The following RAI1 variants were observed in gnomAD, a reference collection of about 807,000 sequenced individuals.
RAI1 encodes retinoic acid-induced protein 1.
RAI1 carries 9 observed loss-of-function variants against 123.8 expected under a neutral mutation model. That is an observed-to-expected ratio of 0.07 (90% CI 0.04 to 0.13). The LOEUF is 0.13. Among genes scored for constraint, RAI1 ranks in the 10% least tolerant of loss-of-function variants. The pLI, the probability that RAI1 is intolerant of heterozygous loss-of-function variation, is 1.00. For missense variants in RAI1, 2,256 were observed against 2,545.8 expected, an observed-to-expected ratio of 0.89 and a Z score of 2.45; for synonymous variants, 1,231 against 1,127.3, an observed-to-expected ratio of 1.09 and a Z score of -1.84.
At position 17,809,967 on chromosome 17, in the gene RAI1, C is replaced by A; in HGVS notation, c.5710-3C>A. The A allele has an allele frequency of 6.4e-7, 1 of 1,554,374 alleles. No homozygotes were observed. Among genetic ancestry groups the A allele is most frequent in the Non-Finnish European group, 8.7e-7 (1 of 1,150,824 alleles). On this transcript the variant is annotated splice_polypyrimidine_tract_variant and splice_region_variant and intron_variant, in intron 5 of 5. Coordinates refer to ENST00000353383, the MANE Select transcript of RAI1 (RefSeq NM_030665.4). This position sits in a 1 kb window ranked among gnomAD's most constrained non-coding sequence, Gnocchi z 4.9. Reference sequence around the variant, plus strand: ...GTAACTGGCGGGCGGGCGTCTTTTGCAGAGGCTGCCGTAGTAATCCACCCC... The same window carrying A: ...GTAACTGGCGGGCGGGCGTCTTTTGAAGAGGCTGCCGTAGTAATCCACCCC...
chr17:17,744,398 G>A (rs1201231687), intron 2 of RAI1, among the ~76,000 whole-genome samples: 1 of 152,226 alleles, frequency 6.6e-6, no homozygotes, highest in African/African-American at 2.4e-5. Context: ...CACAGAACTG[G>A]TTCACAGAAA....
intron 1 of RAI1, among the ~76,000 whole-genome samples, chr17:17,711,772 T>A (rs1230716128): frequency 3.3e-5 from 5 of 152,182 alleles, no homozygotes; most frequent in Non-Finnish European, 7.4e-5. Context: ...GGCCCAGATA[T>A]CAGGCAGCAG....
chr17:17,790,392 C>T (rs2031969513), intron 2 of RAI1, among the ~76,000 whole-genome samples: 1 of 152,212 alleles, frequency 6.6e-6, no homozygotes, highest in African/African-American at 2.4e-5. Context: ...ATTGAACTGT[C>T]TTTTCTTAGC....
At chr17:17,764,472 C>CTT (rs60189169) in intron 2 of RAI1, among the ~76,000 whole-genome samples, 2,504 of 134,290 alleles carry the variant, frequency 0.019, 67 homozygotes, top group African/African-American at 0.053. Context: ...TTCTTTTCCT[C>CTT]TTTTTTTTTT....
chr17:17,696,303 G>A (rs528639430), intron 1 of RAI1, among the ~76,000 whole-genome samples: 2 of 151,996 alleles, frequency 1.3e-5, no homozygotes, highest in Admixed American at 6.6e-5. Flanking sequence ...ATAAAAGGAG[G>A]ACAGGCTTAT....
In RAI1 at chr17:17,724,950, C is replaced by T. The variant is rs995973682; in HGVS notation, c.-17+791C>T. Among the ~76,000 whole-genome samples the T allele has an allele frequency of 3.9e-5, 6 of 152,278 alleles. No individual in the cohort carries two copies. The East Asian group carries it at 1.2e-3, about 29-fold the overall frequency. On this transcript the variant is annotated intron_variant, in intron 2 of 5. Transcript: ENST00000353383. The stretch of plus-strand genomic sequence containing the variant: ...CCCCCTGCCCTGCGCCCCAGTCTCA[C>T]GCGCGGTCGAGTGGCCAGGCTGACA...
chr17:17,756,886 T>A (rs898951864), intron 2 of RAI1, among the ~76,000 whole-genome samples: 1 of 152,242 alleles, frequency 6.6e-6, no homozygotes, highest in Non-Finnish European at 1.5e-5. Flanking sequence ...GGTGATGTGC[T>A]TGCCCGGTGG....
intron 1 of RAI1, among the ~76,000 whole-genome samples, chr17:17,703,810 C>G (rs1474203984): frequency 6.6e-6 from 1 of 152,202 alleles, no homozygotes; most frequent in Non-Finnish European, 1.5e-5. Context: ...CTAGCTGGGA[C>G]TGTTTTCAAA....
intron 2 of RAI1, among the ~76,000 whole-genome samples, chr17:17,783,734 C>T (rs1036139529): frequency 1.3e-5 from 2 of 151,822 alleles, no homozygotes; most frequent in Admixed American, 1.3e-4. Flanking sequence ...GGCCGGGGCG[C>T]CCGGTGACCC....
At chr17:17,780,585 CTG>C (rs1207844907) in intron 2 of RAI1, among the ~76,000 whole-genome samples, 1 of 152,208 alleles carries the variant, frequency 6.6e-6, no homozygotes, top group Non-Finnish European at 1.5e-5. Flanking sequence ...CTTCTCTTCT[CTG>C]GAGCTCAGTT....
chr17:17,763,142 C>T (rs1346586517), intron 2 of RAI1, among the ~76,000 whole-genome samples: 1 of 152,162 alleles, frequency 6.6e-6, no homozygotes, highest in Non-Finnish European at 1.5e-5. Flanking sequence ...AGATCCTTCC[C>T]TGCATCCCCC....
At chr17:17,758,758 G>A (rs889495170) in intron 2 of RAI1, among the ~76,000 whole-genome samples, 9 of 152,222 alleles carry the variant, frequency 5.9e-5, no homozygotes, top group African/African-American at 1.9e-4. Context: ...TGAGGATATC[G>A]CAGAGGGCCC....
At chr17:17,732,831 G>A (rs1916312698) in intron 2 of RAI1, among the ~76,000 whole-genome samples, 2 of 152,332 alleles carry the variant, frequency 1.3e-5, no homozygotes, top group South Asian at 4.1e-4. Context: ...CCCATGCCCT[G>A]TGCAGAGCCT....
At position 17,794,021 on chromosome 17, in the gene RAI1, C is replaced by G. The variant is rs1216302202; in HGVS notation, c.1073C>G (p.Ser358Cys). The G allele has an allele frequency of 6.2e-7, 1 of 1,613,892 alleles. No individual in the cohort carries two copies. The highest frequency in any genetic ancestry group is 2.2e-5 in the East Asian group (1 of 44,884). Residue 358 changes from serine to cysteine, a missense_variant, in exon 3 of 6, where the codon TCC (serine) becomes TGC (cysteine). Around this residue, in one of 7 missense-constraint regions of RAI1, gnomAD observed 357 missense variants for 480.2 expected, o/e 0.74. Coordinates refer to ENST00000353383, the MANE Select transcript of RAI1 (RefSeq NM_030665.4). The part of the protein sequence containing the change: ...RSVGRSPSYS[S>C]TPSPLMPNLE... ...GTGGGCCGCTCACCTTCCTACAGTT[C>G]CACACCGTCGCCGCTGATGCCAAAC...
At chr17:17,729,745 C>T (rs996043151) in intron 2 of RAI1, among the ~76,000 whole-genome samples, 4 of 152,172 alleles carry the variant, frequency 2.6e-5, no homozygotes, top group African/African-American at 9.7e-5. Flanking sequence ...TGCCACAGGC[C>T]TTGGGTTTGC....
intron 1 of RAI1, among the ~76,000 whole-genome samples, chr17:17,719,293 T>G (rs1915803921): frequency 6.6e-6 from 1 of 152,202 alleles, no homozygotes; most frequent in African/African-American, 2.4e-5. Flanking sequence ...CCTGTAGGTG[T>G]GGCCCCCCGT....
chr17:17,810,159 C>T lies in RAI1; in HGVS notation c.*178C>T, dbSNP rs532005208. On this transcript the variant is annotated 3_prime_UTR_variant, in exon 6 of 6. Coordinates refer to ENST00000353383, the MANE Select transcript of RAI1 (RefSeq NM_030665.4). This position sits in a 1 kb window ranked among gnomAD's most constrained non-coding sequence, Gnocchi z 4.6. ...GGCCGCCTAGGGCTCAGACTTGCGG[C>T]CCCGGGTTGGGAGGAAAACCCGTTC... The T allele has an allele frequency of 2.1e-6, 2 of 932,512 alleles. No homozygotes were observed. Among genetic ancestry groups the T allele is most frequent in the Non-Finnish European group, 3.1e-6 (2 of 649,972 alleles). The allele number at this position is 932,512 out of a possible 1,614,324, so 57.8% of individuals were successfully genotyped here.
In RAI1 at chr17:17,703,217, G is replaced by A. The variant is rs149503222; in HGVS notation, c.-148-20811G>A. The stretch of plus-strand genomic sequence containing the variant: ...TTCCAGGCAGGGAGTGGGCTCACAG[G>A]AGGCTAGGGAGGATCCAACTTCCTG... On this transcript the variant is annotated intron_variant, in intron 1 of 5. Coordinates refer to ENST00000353383, the MANE Select transcript of RAI1 (RefSeq NM_030665.4). 6.3e-3 allele frequency among the ~76,000 whole-genome samples: 957 copies of A among 152,314 alleles called. 8 individuals are homozygous for A. Among genetic ancestry groups the A allele is most frequent in the Non-Finnish European group, 0.01 (702 of 68,022 alleles).
At chr17:17,689,513 C>T (rs1178159748) in intron 1 of RAI1, among the ~76,000 whole-genome samples, 1 of 152,144 alleles carries the variant, frequency 6.6e-6, no homozygotes, top group Non-Finnish European at 1.5e-5. Context: ...ACTTTAGTGG[C>T]AGTATAACCA....
Sources: gnomAD v4.1 joint callset for allele counts (sites outside exome capture counted in the v4.1 genomes callset) on GRCh38, gnomAD v4.1.1 for gene constraint, gnomAD v4.1.1 regional missense constraint, Gnocchi (gnomAD v3.1) non-coding constraint, MANE v1.5 for transcripts, NCBI Gene and HGNC (gene_info 2026-07-23, HGNC 2026-07-21) for gene names.